MRPL22: variants seen among roughly 807,000 people sequenced by gnomAD.
The protein encoded by MRPL22 is mitochondrial ribosomal protein L22.
Under a neutral mutation model 32.4 loss-of-function variants are expected in MRPL22, and 27 were observed. The ratio of observed to expected loss-of-function variants is 0.83; its 90% confidence interval spans 0.61 to 1.15. MRPL22 has a LOEUF of 1.15. Ranked by LOEUF, MRPL22 falls within the 50% of genes most tolerant of loss-of-function variation. The pLI is 0.00. For synonymous variants in MRPL22, 86 were observed against 87.3 expected (o/e 0.99, Z 0.08); for missense variants, 239 against 260.2 (o/e 0.92, Z 0.56).
intron 6 of MRPL22, among the ~76,000 whole-genome samples, chr5:154,964,077 A>T (rs879368282): frequency 6.6e-6 from 1 of 152,188 alleles, no homozygotes; most frequent in Non-Finnish European, 1.5e-5. Context: ...CAGGCTGTGT[A>T]TTTGGTTCAA....
At chr5:154,953,901 G>C (rs1764598910) in intron 3 of MRPL22, among the ~76,000 whole-genome samples, 1 of 151,398 alleles carries the variant, frequency 6.6e-6, no homozygotes, top group South Asian at 2.1e-4. Flanking sequence ...GTCCGGGCTG[G>C]TCTCCAACTC....
In MRPL22 at chr5:154,957,202, T is replaced by C. The variant is rs141821194; in HGVS notation, c.329T>C (p.Ile110Thr). Residue 110 changes from isoleucine to threonine, a missense_variant, in exon 5 of 7, where the codon ATA becomes ACA. Ile to Thr is a moderately conservative substitution (Grantham distance 89). Transcript: ENST00000523037. ...TTCAATGACAAAAAAGGGGCCAAAA[T>C]AATTAAAGAGGTAAACTTACAAGTT... ...LEFNDKKGAK[I>T]IKEVLLEAQD... The C allele has an allele frequency of 6.2e-7, 1 of 1,612,960 alleles. No individual in the cohort carries two copies. The highest frequency in any genetic ancestry group is 8.5e-7 in the Non-Finnish European group (1 of 1,179,028).
At chr5:154,965,716 C>T (rs185730154) in intron 6 of MRPL22, among the ~76,000 whole-genome samples, 2 of 152,156 alleles carry the variant, frequency 1.3e-5, no homozygotes, top group Non-Finnish European at 2.9e-5. Context: ...GCCACCGCGC[C>T]TGGCCCTTAC....
chr5:154,951,866 C>T (rs1764567695), intron 3 of MRPL22, among the ~76,000 whole-genome samples: 1 of 150,566 alleles, frequency 6.6e-6, no homozygotes. Context: ...CTTACCTGAG[C>T]TCTTTGAAAT....
intron 6 of MRPL22, among the ~76,000 whole-genome samples, chr5:154,964,959 C>T (rs1011868455): frequency 6.6e-6 from 1 of 152,130 alleles, no homozygotes; most frequent in Non-Finnish European, 1.5e-5. Flanking sequence ...AGGGGACGCG[C>T]CGTGATGGGG....
intron 3 of MRPL22, among the ~76,000 whole-genome samples, chr5:154,954,013 A>G (rs1764600283): frequency 7.0e-6 from 1 of 143,136 alleles, no homozygotes; most frequent in Non-Finnish European, 1.5e-5. Context: ...TTTTTGAGAC[A>G]GGGTCTCACT....
chr5:154,949,052 A>G (rs1406616860), intron 2 of MRPL22, among the ~76,000 whole-genome samples: 1 of 152,114 alleles, frequency 6.6e-6, no homozygotes, highest in Non-Finnish European at 1.5e-5. Flanking sequence ...GTAATCTTTG[A>G]TGGCTTCTTT....
At chr5:154,947,541 G>A (rs146345884) in intron 2 of MRPL22, among the ~76,000 whole-genome samples, 3 of 152,156 alleles carry the variant, frequency 2.0e-5, no homozygotes, top group South Asian at 2.1e-4. Context: ...AAAAACAAAG[G>A]TTTTGTTTGC....
At chr5:154,958,969 T>C (rs1764667143) in intron 5 of MRPL22, 2 of 152,384 alleles carry the variant, frequency 1.3e-5, no homozygotes, top group East Asian at 3.9e-4. Context: ...TCTCTACTTG[T>C]CTGATGTTAA....
chr5:154,963,945 T>C (rs1353163054), intron 6 of MRPL22, among the ~76,000 whole-genome samples: 1 of 152,000 alleles, frequency 6.6e-6, no homozygotes, highest in Non-Finnish European at 1.5e-5. Flanking sequence ...GCACATAGGT[T>C]GGAATAAGCA....
intron 2 of MRPL22, among the ~76,000 whole-genome samples, chr5:154,945,333 C>G (rs1478328971): frequency 2.0e-5 from 3 of 152,178 alleles, no homozygotes; most frequent in Non-Finnish European, 4.4e-5. Flanking sequence ...ACCTGAGCAA[C>G]TGGAAGGGTA....
chr5:154,964,359 A>G (rs1206745675), intron 6 of MRPL22, among the ~76,000 whole-genome samples: 2 of 152,160 alleles, frequency 1.3e-5, no homozygotes, highest in Non-Finnish European at 2.9e-5. Context: ...ACAGTGTTAT[A>G]TATATCAGGC....
intron 3 of MRPL22, among the ~76,000 whole-genome samples, chr5:154,953,472 A>G (rs1356455939): frequency 6.6e-6 from 1 of 150,714 alleles, no homozygotes; most frequent in Non-Finnish European, 1.5e-5. Context: ...CTTTTGCAGT[A>G]TCTTTGAAAA....
chr5:154,941,229 T>C lies in MRPL22; in HGVS notation c.41T>C (p.Ile14Thr). 1 of 1,613,798 alleles carries C rather than the reference T, an allele frequency of 6.2e-7. No homozygotes were observed. The highest frequency in any genetic ancestry group is 8.5e-7 in the Non-Finnish European group (1 of 1,180,016). Residue 14 changes from isoleucine to threonine, a missense_variant, in exon 2 of 7, where the codon ATA becomes ACA. Physicochemically the swap from Ile to Thr is moderately conservative, Grantham distance 89 (BLOSUM62 -1). Coordinates refer to ENST00000523037, the MANE Select transcript of MRPL22 (RefSeq NM_014180.4). ...GTTGATGTTGCAGGTGCGTTATGGA[T>C]ACATAACCTGAGGAGCCGGGGGAAG... ...AVLGQLGALW[I>T]HNLRSRGKLA...
In MRPL22 at chr5:154,967,588, C is replaced by G. The variant is rs987160158; in HGVS notation, c.*691C>G. 6.6e-6 allele frequency: 1 copy of G among 152,186 alleles called. No individual in the cohort carries two copies. The highest frequency in any genetic ancestry group is 1.5e-5 in the Non-Finnish European group (1 of 68,044). The allele number at this position is 152,186 out of a possible 1,614,324, so 9.4% of individuals were successfully genotyped here. A position where few individuals can be genotyped will look rare whatever the true frequency, so the allele number is the denominator to read the frequency against. The stretch of plus-strand genomic sequence containing the variant: ...TTATTTTTCAGGGTAAATTCAATTA[C>G]TGAGAGAGGAATTGAACCAATCTCA... On this transcript the variant is annotated 3_prime_UTR_variant, in exon 7 of 7. Transcript: ENST00000523037. The surrounding 1 kb of genome is among the most constrained non-coding windows in gnomAD (Gnocchi z 4.7).
At chr5:154,963,604 A>C (rs767415556) in intron 6 of MRPL22, among the ~76,000 whole-genome samples, 37 of 152,364 alleles carry the variant, frequency 2.4e-4, no homozygotes, top group Non-Finnish European at 4.9e-4. Context: ...AATGATATTA[A>C]GTAGCAGATG....
intron 4 of MRPL22, 27 bp downstream of exon 4, chr5:154,956,463 A>G: frequency 6.7e-7 from 1 of 1,488,758 alleles, no homozygotes; most frequent in South Asian, 1.2e-5. Flanking sequence ...ATTACCATAT[A>G]ATTAATAATT....
At chr5:154,951,881 T>C (rs573182985) in intron 3 of MRPL22, among the ~76,000 whole-genome samples, 1 of 149,236 alleles carries the variant, frequency 6.7e-6, no homozygotes, top group African/African-American at 2.5e-5. Flanking sequence ...TGAAATCACG[T>C]ATTTTTTTTT....
intron 5 of MRPL22, among the ~76,000 whole-genome samples, chr5:154,959,377 T>C (rs1034761342): frequency 6.6e-6 from 1 of 152,044 alleles, no homozygotes; most frequent in Non-Finnish European, 1.5e-5. Context: ...AGATAGGGTC[T>C]CTGTTGCCCA....
Sources: gnomAD v4.1 joint callset for allele counts (sites outside exome capture counted in the v4.1 genomes callset) on GRCh38, gnomAD v4.1.1 for gene constraint, Gnocchi (gnomAD v3.1) non-coding constraint, MANE v1.5 for transcripts, NCBI Gene and HGNC (gene_info 2026-07-23, HGNC 2026-07-21) for gene names.